PRKG1: variants seen among roughly 807,000 people sequenced by gnomAD.
The protein encoded by PRKG1 is protein kinase cGMP-dependent 1, also known as cGMP-dependent protein kinase 1.
A neutral mutation model predicts 88.1 loss-of-function variants in PRKG1; 35 were observed. The ratio of observed to expected loss-of-function variants is 0.40; its 90% CI spans 0.30 to 0.53. The LOEUF (loss-of-function observed/expected upper bound fraction) is 0.53, where lower values mean the gene tolerates loss of function less well. PRKG1 is among the 20% of genes least tolerant of loss of function. The probability of loss-of-function intolerance (pLI) is 0.59; values close to 1 mark genes in which losing one functional copy is unlikely to be tolerated. For missense variants in PRKG1, 540 were observed against 839.8 expected (o/e 0.64, Z 4.41); for synonymous variants, 303 against 292.5 (o/e 1.04, Z -0.37).
chr10:51,709,106 C>T (rs1283350242), intron 3 of PRKG1, among the ~76,000 whole-genome samples: 3 of 152,178 alleles, frequency 2.0e-5, no homozygotes, highest in Non-Finnish European at 4.4e-5. Flanking sequence ...AAACATAAAA[C>T]ATTATTTCCA....
intron 3 of PRKG1, among the ~76,000 whole-genome samples, chr10:51,763,345 C>T (rs1715103723): frequency 1.3e-5 from 2 of 152,084 alleles, no homozygotes; most frequent in Admixed American, 1.3e-4. Flanking sequence ...GATCCTCCCA[C>T]CTCAGCCTCC....
chr10:51,524,134 C>T (rs113749754), intron 3 of PRKG1, among the ~76,000 whole-genome samples: 2 of 152,160 alleles, frequency 1.3e-5, no homozygotes, highest in African/African-American at 4.8e-5. Context: ...GCTTTGCATT[C>T]CACCATGGGT....
At chr10:52,235,545 A>G (rs1840659178) in intron 9 of PRKG1, among the ~76,000 whole-genome samples, 1 of 148,772 alleles carries the variant, frequency 6.7e-6, no homozygotes, top group African/African-American at 2.5e-5. Flanking sequence ...ACTTTAAACC[A>G]ACAAAGATCA....
chr10:51,870,983 C>G (rs773626599), intron 4 of PRKG1, among the ~76,000 whole-genome samples: 6 of 152,158 alleles, frequency 3.9e-5, no homozygotes, highest in South Asian at 2.1e-4. Flanking sequence ...GAACTCTTTT[C>G]TATTCTTGGA....
At chr10:51,931,749 TG>T (rs781254919) in intron 5 of PRKG1, among the ~76,000 whole-genome samples, 25 of 152,352 alleles carry the variant, frequency 1.6e-4, no homozygotes, top group Non-Finnish European at 2.8e-4. Flanking sequence ...ATATTCCTTC[TG>T]TAATATGATC....
At chr10:51,261,024 C>G (rs994682121) in intron 2 of PRKG1, among the ~76,000 whole-genome samples, 2 of 151,808 alleles carry the variant, frequency 1.3e-5, no homozygotes, top group African/African-American at 4.9e-5. Flanking sequence ...GGCAAATGTT[C>G]CTCAGCAAAT....
At chr10:51,736,687 T>C (rs188533117) in intron 3 of PRKG1, among the ~76,000 whole-genome samples, 34 of 151,664 alleles carry the variant, frequency 2.2e-4, no homozygotes, top group African/African-American at 7.5e-4. Context: ...TAGCTCACTG[T>C]AATCTTGAAC....
At chr10:51,399,286 A>C (rs1837668350) in intron 2 of PRKG1, among the ~76,000 whole-genome samples, 2 of 152,140 alleles carry the variant, frequency 1.3e-5, no homozygotes, top group Non-Finnish European at 1.5e-5. Context: ...ATGCCGTGTT[A>C]ATCAGTGTTC....
intron 5 of PRKG1, among the ~76,000 whole-genome samples, chr10:52,050,953 G>A (rs1845974139): frequency 1.3e-5 from 2 of 152,086 alleles, no homozygotes; most frequent in Non-Finnish European, 1.5e-5. Flanking sequence ...AGATAGTTTT[G>A]ATTTCTGCAG....
chr10:52,049,442 C>T (rs1203232214), intron 5 of PRKG1, among the ~76,000 whole-genome samples: 1 of 152,088 alleles, frequency 6.6e-6, no homozygotes, highest in Admixed American at 6.6e-5. Context: ...GGTCAGAATA[C>T]AGAGAATTTT....
intron 3 of PRKG1, among the ~76,000 whole-genome samples, chr10:51,511,003 C>T (rs1314235759): frequency 6.6e-6 from 1 of 151,824 alleles, no homozygotes; most frequent in East Asian, 1.9e-4. Context: ...CCGCCCACCT[C>T]AGCCTCCCAA....
intron 3 of PRKG1, among the ~76,000 whole-genome samples, chr10:51,660,975 TAAA>T (rs1840283994): frequency 6.6e-6 from 1 of 152,126 alleles, no homozygotes; most frequent in Non-Finnish European, 1.5e-5. Flanking sequence ...AATTGGAACA[TAAA>T]TCACATATTA....
chr10:51,073,918 G>C (rs969064786), upstream of PRKG1, among the ~76,000 whole-genome samples: 6 of 152,176 alleles, frequency 3.9e-5, no homozygotes, highest in African/African-American at 1.2e-4. Flanking sequence ...GCTTTCCTTA[G>C]TGAGGCCGGC....
At chr10:52,166,831 ATATATATG>A (rs1564498541) in intron 9 of PRKG1, among the ~76,000 whole-genome samples, 838 of 3,560 alleles carry the variant, frequency 0.24, 30 homozygotes, top group Middle Eastern at 0.5. Flanking sequence ...ATATATATGT[ATATATATG>A]TATATATATG....
At chr10:51,469,439 T>C (rs1195173986) in intron 3 of PRKG1, among the ~76,000 whole-genome samples, 1 of 151,838 alleles carries the variant, frequency 6.6e-6, no homozygotes, top group African/African-American at 2.4e-5. Context: ...ACATGGAATT[T>C]TTATTAAAGA....
In PRKG1 at chr10:51,602,839, A is replaced by G. The variant is rs548847422; in HGVS notation, c.592+135003A>G. On this transcript the variant is annotated intron_variant, in intron 3 of 17. Transcript: ENST00000373980. ...GTGACATGGGTTAAAAATTTATTAG[A>G]TTATATTTATAATCATATGTATTCT... Among the ~76,000 whole-genome samples, 3 of 150,862 alleles carry G rather than the reference A, an allele frequency of 2.0e-5. No individual in the cohort carries two copies. The South Asian group carries it at 6.3e-4, about 32-fold the overall frequency.
chr10:51,105,341 G>T (rs1221058839), intron 1 of PRKG1, among the ~76,000 whole-genome samples: 2 of 152,180 alleles, frequency 1.3e-5, no homozygotes, highest in African/African-American at 2.4e-5. Flanking sequence ...TAATTTATTG[G>T]TTATACAGTG....
At chr10:52,165,356 A>G (rs1838405955) in intron 9 of PRKG1, among the ~76,000 whole-genome samples, 1 of 152,136 alleles carries the variant, frequency 6.6e-6, no homozygotes, top group Non-Finnish European at 1.5e-5. Flanking sequence ...TTGAATTAGC[A>G]TTGTTGTTTC....
intron 5 of PRKG1, among the ~76,000 whole-genome samples, chr10:51,993,085 T>C (rs1026131670): frequency 6.6e-6 from 1 of 152,216 alleles, no homozygotes; most frequent in Non-Finnish European, 1.5e-5. Flanking sequence ...ACTGTTCTTA[T>C]AATTACTGTT....
Sources: gnomAD v4.1 joint callset for allele counts (sites outside exome capture counted in the v4.1 genomes callset) on GRCh38, gnomAD v4.1.1 for gene constraint, MANE v1.5 for transcripts, NCBI Gene and HGNC (gene_info 2026-07-23, HGNC 2026-07-21) for gene names.